Variants in MYO1E observed in about 807,000 individuals in gnomAD.
The protein encoded by MYO1E is unconventional myosin-Ie.
Under a neutral mutation model 151.1 loss-of-function variants are expected in MYO1E, and 68 were observed. The ratio of observed to expected loss-of-function variants is 0.45; its 90% CI spans 0.37 to 0.55. The LOEUF is 0.55. Ranked by LOEUF, MYO1E falls within the 20% of genes least tolerant of loss-of-function variation. The pLI is 0.00. For missense variants in MYO1E, 1,363 were observed against 1,389.3 expected (o/e 0.98, Z 0.30); for synonymous variants, 601 against 501.7 (o/e 1.20, Z -2.64).
At chr15:59,295,180 C>G (rs1299565057) in intron 1 of MYO1E, among the ~76,000 whole-genome samples, 2 of 151,910 alleles carry the variant, frequency 1.3e-5, no homozygotes, top group East Asian at 3.9e-4. Context: ...GTTGAGTCAT[C>G]CTAGGAGGCT....
intron 16 of MYO1E, among the ~76,000 whole-genome samples, chr15:59,201,683 C>T (rs1330163984): frequency 2.6e-5 from 4 of 152,124 alleles, no homozygotes; most frequent in Non-Finnish European, 4.4e-5. Flanking sequence ...GGATTACAGG[C>T]GTGAGCCACC....
intron 9 of MYO1E, among the ~76,000 whole-genome samples, chr15:59,222,765 CT>C (rs536460255): frequency 3.9e-5 from 6 of 152,324 alleles, no homozygotes; most frequent in African/African-American, 1.2e-4. Flanking sequence ...ATCACTTTAT[CT>C]TTAAACCAAG....
intron 1 of MYO1E, among the ~76,000 whole-genome samples, chr15:59,334,008 T>G (rs560816235): frequency 2.0e-4 from 30 of 152,188 alleles, no homozygotes; most frequent in Non-Finnish European, 4.0e-4. Context: ...GAAGAACCTC[T>G]CGTCAGTGGG....
intron 14 of MYO1E, chr15:59,208,431 C>A: frequency 1.7e-6 from 1 of 586,438 alleles, no homozygotes; most frequent in Non-Finnish European, 3.1e-6. Flanking sequence ...TTCATTCTTG[C>A]TGGTTTATAC....
chr15:59,238,946 C>T (rs887968066), intron 4 of MYO1E, among the ~76,000 whole-genome samples: 11 of 151,504 alleles, frequency 7.3e-5, no homozygotes, highest in Non-Finnish European at 1.0e-4. Flanking sequence ...TGGCTCGTGC[C>T]TGTAATCCTA....
Position 59,195,417 on chromosome 15 carries a change from G to T in MYO1E, c.1805+44C>A, listed in dbSNP as rs776798540. 5 of 1,521,688 alleles carry T rather than the reference G, an allele frequency of 3.3e-6. No homozygotes were observed. In the African/African-American group the frequency reaches 6.9e-5, roughly 21 times the overall value. The allele number at this position is 1,521,688 out of a possible 1,614,324, so 94.3% of individuals were successfully genotyped here. ...TGGAGGACGGCTCATCTTGAGCAGA[G>T]GGAAAAAGGTCCCGGCCCCACCTAA... is the stretch of plus-strand genomic sequence containing the variant. On this transcript the variant is annotated intron_variant, in intron 17 of 27. Transcript: ENST00000288235.
intron 2 of MYO1E, among the ~76,000 whole-genome samples, chr15:59,269,446 GT>G (rs2080276649): frequency 1.3e-5 from 2 of 152,304 alleles, no homozygotes; most frequent in South Asian, 4.1e-4. Context: ...GGTGCTGCAC[GT>G]AAAAGTGATT....
chr15:59,255,017 G>A (rs1483837063), intron 4 of MYO1E, among the ~76,000 whole-genome samples: 2 of 152,064 alleles, frequency 1.3e-5, no homozygotes, highest in Non-Finnish European at 2.9e-5. Context: ...GTAGAGACAG[G>A]GTTTCCCCAT....
chr15:59,237,425 G>C (rs1382121648), intron 4 of MYO1E, among the ~76,000 whole-genome samples: 2 of 152,162 alleles, frequency 1.3e-5, no homozygotes, highest in African/African-American at 4.8e-5. Flanking sequence ...ATAATATATA[G>C]TCTGCTCTTC....
At chr15:59,301,552 C>T (rs1223985518) in intron 1 of MYO1E, among the ~76,000 whole-genome samples, 8 of 152,268 alleles carry the variant, frequency 5.3e-5, no homozygotes, top group South Asian at 2.1e-4. Flanking sequence ...GGCTAATGCC[C>T]GAAGGCTATA....
intron 1 of MYO1E, among the ~76,000 whole-genome samples, chr15:59,320,041 T>A (rs1398882526): frequency 6.6e-6 from 1 of 152,156 alleles, no homozygotes; most frequent in South Asian, 2.1e-4. Context: ...GACATTCAAG[T>A]TGTGAGCCAA....
chr15:59,259,667 G>GA (rs2080214264), intron 3 of MYO1E, among the ~76,000 whole-genome samples: 1 of 152,204 alleles, frequency 6.6e-6, no homozygotes, highest in African/African-American at 2.4e-5. Context: ...GGCAGTGGGG[G>GA]AAAGTCATTG....
intron 17 of MYO1E, among the ~76,000 whole-genome samples, chr15:59,191,917 A>C (rs577241701): frequency 6.6e-6 from 1 of 152,348 alleles, no homozygotes; most frequent in Admixed American, 6.5e-5. Flanking sequence ...AGAACTCTGC[A>C]AGGCAGCAAT....
chr15:59,274,047 T>C (rs1418216328), intron 1 of MYO1E, among the ~76,000 whole-genome samples: 1 of 139,744 alleles, frequency 7.2e-6, no homozygotes, highest in Non-Finnish European at 1.6e-5. Context: ...TAAAAATTTA[T>C]TAAATGGTTT....
intron 1 of MYO1E, among the ~76,000 whole-genome samples, chr15:59,337,416 A>G (rs757004311): frequency 7.9e-5 from 12 of 152,244 alleles, no homozygotes; most frequent in Non-Finnish European, 1.5e-4. Flanking sequence ...TTCATCAGAT[A>G]TAATTCGTAT....
chr15:59,138,826 A>T (rs1055829586), intron 26 of MYO1E, among the ~76,000 whole-genome samples: 2 of 152,116 alleles, frequency 1.3e-5, no homozygotes, highest in Non-Finnish European at 2.9e-5. Context: ...TCTCTGGCTC[A>T]TCTCTACAGT....
chr15:59,320,208 C>T (rs150533997), intron 1 of MYO1E, among the ~76,000 whole-genome samples: 44 of 152,210 alleles, frequency 2.9e-4, no homozygotes, highest in African/African-American at 1.0e-3. Flanking sequence ...CATGCTCATC[C>T]ATTGGAAGAA....
intron 1 of MYO1E, 104 bp downstream of exon 1, chr15:59,372,394 T>A (rs1596448184): frequency 7.1e-7 from 1 of 1,408,350 alleles, no homozygotes; most frequent in Admixed American, 2.0e-5. Context: ...GTCCACCTTC[T>A]CCACCCCTGG....
At chr15:59,371,215 G>A (rs2080942294) in intron 1 of MYO1E, among the ~76,000 whole-genome samples, 1 of 152,180 alleles carries the variant, frequency 6.6e-6, no homozygotes, top group Non-Finnish European at 1.5e-5. Context: ...GGGCTTCTGA[G>A]CTTTGTGTGC....
Sources: gnomAD v4.1 joint callset for allele counts (sites outside exome capture counted in the v4.1 genomes callset) on GRCh38, gnomAD v4.1.1 for gene constraint, MANE v1.5 for transcripts, NCBI Gene and HGNC (gene_info 2026-07-23, HGNC 2026-07-21) for gene names.